ATF7IP: variants seen among roughly 807,000 people sequenced by gnomAD.
The protein encoded by ATF7IP is activating transcription factor 7-interacting protein 1.
A neutral mutation model predicts 106.4 loss-of-function variants in ATF7IP; 23 were observed. The observed-to-expected ratio is 0.22, with a 90% CI of 0.16 to 0.31. The LOEUF is 0.31. ATF7IP is among the 10% of genes least tolerant of loss of function. The probability of loss-of-function intolerance (pLI) is 1.00; values close to 1 mark genes in which losing one functional copy is unlikely to be tolerated. For synonymous variants in ATF7IP, 542 were observed against 539.0 expected, an observed-to-expected ratio of 1.01 and a Z score of -0.08; for missense variants, 1,334 against 1,524.3, an observed-to-expected ratio of 0.88 and a Z score of 2.08.
In ATF7IP at chr12:14,424,958, A is replaced by T. The variant is rs2231909; in HGVS notation, c.1043A>T (p.Asn348Ile). 635,396 of 1,606,810 alleles carry T rather than the reference A, an allele frequency of 0.4. 129,646 individuals are homozygous for T. The highest frequency in any genetic ancestry group is 0.5 in the Admixed American group (29,161 of 58,358). Residue 348 changes from asparagine to isoleucine, a missense_variant, in exon 2 of 15, where the codon AAT (asparagine) becomes ATT (isoleucine). By Grantham distance (149) the Asn-to-Ile change is moderately radical. Around this residue, in one of 10 missense-constraint regions of ATF7IP, gnomAD observed 438 missense variants for 405.3 expected, o/e 1.08. Coordinates refer to ENST00000261168, the MANE Select transcript of ATF7IP (RefSeq NM_018179.5). Reference protein sequence around the residue: ...KNKADNNIDANEETLETDDTT... With the variant: ...KNKADNNIDAIEETLETDDTT... ...AAAGCTGATAATAATATTGATGCTA[A>T]TGAAGAAACTCTAGAAACAGATGAT...
Position 14,456,553 on chromosome 12 carries a change from TC to T in ATF7IP, c.1996-3del. Reference sequence around the variant, plus strand: ...TTATTTTTACCTTGATTTTTTTTTCTCCCCCAGCATCCACCCAACCCACCAG... The same window carrying T: ...TTATTTTTACCTTGATTTTTTTTTCTCCCCAGCATCCACCCAACCCACCAG... On this transcript the variant is annotated splice_polypyrimidine_tract_variant and splice_region_variant and intron_variant, in intron 6 of 14. Transcript: ENST00000261168. 6.2e-7 allele frequency: 1 copy of T among 1,604,350 alleles called. No homozygotes were observed.
chr12:14,367,165 A>G (rs1286152303), intron 1 of ATF7IP, among the ~76,000 whole-genome samples: 2 of 152,100 alleles, frequency 1.3e-5, no homozygotes, highest in Admixed American at 6.5e-5. Context: ...GTTGGTTATA[A>G]CTCTTTAAGT....
rs1383946743 is a variant in ATF7IP at position 14,424,896 on chromosome 12, G to A, written c.981G>A (p.Glu327=). 1 of 1,609,858 alleles carries A rather than the reference G, an allele frequency of 6.2e-7. No homozygotes were observed. The highest frequency in any genetic ancestry group is 8.5e-7 in the Non-Finnish European group (1 of 1,179,046). The change falls in exon 2 of 15, where the codon GAG becomes GAA. Residue 327 remains glutamate (E), a synonymous_variant. Coordinates refer to ENST00000261168, the MANE Select transcript of ATF7IP (RefSeq NM_018179.5). ...LEKNGADEKL[E]QIQSKDSLDE... ...AAAATGGAGCTGATGAAAAATTAGA[G>A]CAAATTCAGAGTAAAGACTCATTGG...
intron 5 of ATF7IP, among the ~76,000 whole-genome samples, chr12:14,444,101 A>C (rs1565517101): frequency 6.6e-6 from 1 of 152,186 alleles, no homozygotes; most frequent in African/African-American, 2.4e-5. Flanking sequence ...CGGAATTTCA[A>C]CTAGATTTCT....
At chr12:14,408,302 G>A (rs1380175041) in intron 1 of ATF7IP, among the ~76,000 whole-genome samples, 1 of 152,020 alleles carries the variant, frequency 6.6e-6, no homozygotes, top group Non-Finnish European at 1.5e-5. Context: ...GAGTGTTTTT[G>A]CTGGAAGTTT....
At chr12:14,474,198 A>G (rs188863737) in intron 10 of ATF7IP, among the ~76,000 whole-genome samples, 5 of 151,698 alleles carry the variant, frequency 3.3e-5, no homozygotes, top group Admixed American at 1.3e-4. Context: ...TTTGTGTCCT[A>G]TGGACTAGAA....
At chr12:14,473,668 A>G (rs995546892) in intron 10 of ATF7IP, among the ~76,000 whole-genome samples, 1 of 152,018 alleles carries the variant, frequency 6.6e-6, no homozygotes, top group Non-Finnish European at 1.5e-5. Flanking sequence ...AAACTGAAGA[A>G]TGTCCTTAAG....
intron 1 of ATF7IP, among the ~76,000 whole-genome samples, chr12:14,418,379 G>T (rs369965755): frequency 1.3e-5 from 2 of 152,086 alleles, no homozygotes; most frequent in African/African-American, 4.8e-5. Context: ...ATCTTCTGCC[G>T]TAAAATACCA....
chr12:14,395,773 A>G (rs966507128), intron 1 of ATF7IP, among the ~76,000 whole-genome samples: 11 of 152,062 alleles, frequency 7.2e-5, no homozygotes, highest in African/African-American at 1.7e-4. Flanking sequence ...AACTTGGTCA[A>G]TTTTCTACTT....
intron 5 of ATF7IP, among the ~76,000 whole-genome samples, chr12:14,441,485 G>GTTT (rs1942693225): frequency 2.3e-5 from 3 of 127,722 alleles, no homozygotes; most frequent in African/African-American, 9.1e-5. Context: ...GGATACCAAA[G>GTTT]TCTTTTTTTT....
chr12:14,432,158 T>A (rs1942172665), intron 2 of ATF7IP, among the ~76,000 whole-genome samples: 1 of 152,182 alleles, frequency 6.6e-6, no homozygotes, highest in South Asian at 2.1e-4. Flanking sequence ...TATTCTGCTG[T>A]GTTCTGGATG....
chr12:14,476,823 T>C (rs1373233349), intron 11 of ATF7IP, among the ~76,000 whole-genome samples: 1 of 152,192 alleles, frequency 6.6e-6, no homozygotes, highest in African/African-American at 2.4e-5. Context: ...TCCAAAATAA[T>C]AATGTTCTGA....
At position 14,481,436 on chromosome 12, in the gene ATF7IP, G is replaced by A; in HGVS notation, c.3280+251G>A. The A allele has an allele frequency of 6.1e-6, 3 of 493,034 alleles. No homozygotes were observed. The South Asian group carries it at 6.8e-5, about 11-fold the overall frequency. The allele number at this position is 493,034 out of a possible 1,614,324, so 30.5% of individuals were successfully genotyped here. A position where few individuals can be genotyped will look rare whatever the true frequency, so the allele number is the denominator to read the frequency against. ...TTGTCACCACACACAAAAAAGGTAAGTATGTGAGATCATGCATATGTCAGC... is the reference window on the plus strand; with the variant it reads ...TTGTCACCACACACAAAAAAGGTAAATATGTGAGATCATGCATATGTCAGC... On this transcript the variant is annotated intron_variant, in intron 13 of 14. Coordinates refer to ENST00000261168, the MANE Select transcript of ATF7IP (RefSeq NM_018179.5).
chr12:14,410,373 C>T (rs34834211), intron 1 of ATF7IP, among the ~76,000 whole-genome samples: 4,575 of 151,898 alleles, frequency 0.03, 101 homozygotes, highest in Non-Finnish European at 0.049. Context: ...CCAGTATGTC[C>T]AGCATATCTA....
At chr12:14,372,363 G>A (rs1938567363) in intron 1 of ATF7IP, among the ~76,000 whole-genome samples, 1 of 151,652 alleles carries the variant, frequency 6.6e-6, no homozygotes, top group Admixed American at 6.6e-5. Flanking sequence ...AGGGCTACTA[G>A]TGCTTGTTTA....
intron 5 of ATF7IP, among the ~76,000 whole-genome samples, chr12:14,442,619 G>A (rs181077019): frequency 6.6e-6 from 1 of 152,166 alleles, no homozygotes; most frequent in Non-Finnish European, 1.5e-5. Flanking sequence ...TTTCCTGTTA[G>A]CTAATATGAT....
In ATF7IP at chr12:14,424,466, TGTCCCCTGGTGATGC is replaced by T; in HGVS notation, c.552_566del (p.Ser185_Ala189del). On this transcript the variant is annotated inframe_deletion, in exon 2 of 15. Transcript: ENST00000261168. ...TCTGGTGATGCCCCTTCTGGTGATG[TGTCCCCTGGTGATGC>T]CACCTCTGGTGATGCCACTGCTGAT... 9.9e-6 allele frequency: 16 copies of T among 1,611,702 alleles called. No individual in the cohort carries two copies. Among genetic ancestry groups the T allele is most frequent in the Non-Finnish European group, 1.4e-5 (16 of 1,179,158 alleles).
intron 1 of ATF7IP, chr12:14,416,899 T>G (rs1426688187): frequency 1.0e-6 from 1 of 984,788 alleles, no homozygotes; most frequent in Non-Finnish European, 1.2e-6. Flanking sequence ...ATTTTTCCTG[T>G]GGGGAGATTA....
intron 2 of ATF7IP, among the ~76,000 whole-genome samples, chr12:14,426,917 T>C (rs1941884646): frequency 1.3e-5 from 2 of 149,670 alleles, no homozygotes; most frequent in Admixed American, 1.3e-4. Context: ...AGGCCCTTCT[T>C]GGTTCTAGAG....
Sources: gnomAD v4.1 joint callset for allele counts (sites outside exome capture counted in the v4.1 genomes callset) on GRCh38, gnomAD v4.1.1 for gene constraint, gnomAD v4.1.1 regional missense constraint, MANE v1.5 for transcripts, NCBI Gene and HGNC (gene_info 2026-07-23, HGNC 2026-07-21) for gene names.